The following KIF20B variants were observed in gnomAD, a reference collection of about 807,000 sequenced individuals.
KIF20B encodes kinesin-like protein KIF20B.
KIF20B carries 188 observed loss-of-function variants against 232.5 expected under a neutral mutation model. That is an observed-to-expected ratio of 0.81 (90% CI 0.72 to 0.91). KIF20B has a LOEUF of 0.91. Ranked by LOEUF, KIF20B falls within the 40% of genes least tolerant of loss-of-function variation. The pLI is 0.00. For synonymous variants in KIF20B, 712 were observed against 683.0 expected (o/e 1.04, Z -0.66); for missense variants, 2,154 against 2,055.9 (o/e 1.05, Z -0.92).
chr10:89,747,084 C>T (rs941465367), intron 23 of KIF20B, among the ~76,000 whole-genome samples: 17 of 152,076 alleles, frequency 1.1e-4, no homozygotes, highest in Admixed American at 4.6e-4. Context: ...GTATTCTGAA[C>T]GGACACTTCT....
chr10:89,712,551 G>T (rs560627975), intron 6 of KIF20B, among the ~76,000 whole-genome samples: 5 of 152,144 alleles, frequency 3.3e-5, no homozygotes, highest in African/African-American at 1.2e-4. Flanking sequence ...TGCCAAGCCT[G>T]GCCCATTGTG....
At chr10:89,757,065 T>TATATATATATATATACAC (rs1234268831) in intron 26 of KIF20B, among the ~76,000 whole-genome samples, 6 of 135,198 alleles carry the variant, frequency 4.4e-5, no homozygotes, top group Admixed American at 4.1e-4. Flanking sequence ...TATATATATA[T>TATATATATATATATACAC]ATATACACAC....
chr10:89,752,610 A>G lies in KIF20B; in HGVS notation c.4266A>G (p.Lys1422=). The G allele has an allele frequency of 6.2e-7, 1 of 1,606,292 alleles. No homozygotes were observed. Among genetic ancestry groups the G allele is most frequent in the Non-Finnish European group, 8.5e-7 (1 of 1,176,470 alleles). The change falls in exon 25 of 33, where the codon AAA becomes AAG. Residue 1422 remains lysine, a synonymous_variant. Coordinates refer to ENST00000371728, the MANE Select transcript of KIF20B (RefSeq NM_001284259.2). Reference sequence around the variant, plus strand: ...AAAAATGCAATGATTTGGAAACCAAAAACAATCAAAGGTCAAATAAAGAAC... The same window carrying G: ...AAAAATGCAATGATTTGGAAACCAAGAACAATCAAAGGTCAAATAAAGAAC... ...WKEKCNDLET[K]NNQRSNKEHE...
chr10:89,720,632 G>A (rs969473754), intron 13 of KIF20B, among the ~76,000 whole-genome samples: 4 of 152,092 alleles, frequency 2.6e-5, no homozygotes, highest in African/African-American at 7.2e-5. Context: ...ATTGTTTGTC[G>A]TCTTGTTATT....
At position 89,754,499 on chromosome 10, in the gene KIF20B, A is replaced by G; in HGVS notation, c.4348-19A>G. On this transcript the variant is annotated intron_variant, in intron 25 of 32. Transcript: ENST00000371728. Reference sequence around the variant, plus strand: ...CTTTGTAGGCATGCGATAATAACTTATACCATTTATATATACAGGAGTCTG... The same window carrying G: ...CTTTGTAGGCATGCGATAATAACTTGTACCATTTATATATACAGGAGTCTG... 1.3e-6 allele frequency: 2 copies of G among 1,503,354 alleles called. No homozygotes were observed. Among genetic ancestry groups the G allele is most frequent in the Non-Finnish European group, 8.9e-7 (1 of 1,119,890 alleles). The allele number at this position is 1,503,354 out of a possible 1,614,324, so 93.1% of individuals were successfully genotyped here.
intron 13 of KIF20B, chr10:89,723,458 T>C (rs970283664): frequency 6.6e-6 from 1 of 152,266 alleles, no homozygotes; most frequent in Non-Finnish European, 1.5e-5. Context: ...TTATGTAACA[T>C]CTTTATTTGA....
chr10:89,702,830 A>G (rs1316163423), intron 1 of KIF20B, among the ~76,000 whole-genome samples: 1 of 151,302 alleles, frequency 6.6e-6, no homozygotes, highest in African/African-American at 2.4e-5. Flanking sequence ...TTATCCCTGC[A>G]TAAGTCGCTG....
At chr10:89,719,830 A>G (rs2133099332) in intron 13 of KIF20B, 124 bp downstream of exon 13, 1 of 715,248 alleles carries the variant, frequency 1.4e-6, no homozygotes. Context: ...TCAACTTTAT[A>G]TTTTGAAAAA....
At chr10:89,726,837 C>T (rs1204354331) in intron 16 of KIF20B, among the ~76,000 whole-genome samples, 5 of 142,316 alleles carry the variant, frequency 3.5e-5, no homozygotes, top group South Asian at 2.4e-4. Flanking sequence ...GACAGCGTCT[C>T]GCTCTGTCAC....
Position 89,705,322 on chromosome 10 carries a change from G to C in KIF20B, c.28G>C (p.Val10Leu). 1 of 1,613,834 alleles carries C rather than the reference G, an allele frequency of 6.2e-7. No individual in the cohort carries two copies. Among genetic ancestry groups the C allele is most frequent in the East Asian group, 2.2e-5 (1 of 44,848 alleles). Residue 10 changes from valine to leucine, a missense_variant, in exon 2 of 33, where the codon GTA becomes CTA. By Grantham distance (32) the Val-to-Leu change is conservative. Coordinates refer to ENST00000371728, the MANE Select transcript of KIF20B (RefSeq NM_001284259.2). ...GGAATCTAATTTTAATCAAGAGGGA[G>C]TACCTCGACCATCTTATGTTTTTAG... Reference protein sequence around the residue: MESNFNQEGVPRPSYVFSAD... With the variant: MESNFNQEGLPRPSYVFSAD...
intron 31 of KIF20B, among the ~76,000 whole-genome samples, chr10:89,771,509 T>C (rs1228679809): frequency 6.6e-6 from 1 of 152,074 alleles, no homozygotes; most frequent in East Asian, 1.9e-4. Context: ...CAATGCATTA[T>C]AATCTCTTAA....
chr10:89,765,953 C>G (rs576836754), intron 29 of KIF20B, among the ~76,000 whole-genome samples: 1 of 152,152 alleles, frequency 6.6e-6, no homozygotes, highest in South Asian at 2.1e-4. Context: ...TTCATTTTGA[C>G]TTTGCTGAAT....
intron 28 of KIF20B, 144 bp from the exon 29 acceptor site, chr10:89,762,494 A>ATCTT (rs1842263243): frequency 1.6e-5 from 10 of 617,884 alleles, no homozygotes; most frequent in Non-Finnish European, 2.8e-5. Context: ...TGATTGCTCA[A>ATCTT]TCTTTCTGTT....
chr10:89,758,522 G>A (rs1345935854), intron 26 of KIF20B, among the ~76,000 whole-genome samples, 184 bp from the exon 27 acceptor site: 3 of 151,832 alleles, frequency 2.0e-5, no homozygotes, highest in Non-Finnish European at 4.4e-5. Context: ...AAAATAACAT[G>A]GACATTTAAT....
Position 89,717,485 on chromosome 10 carries a change from C to A in KIF20B, c.1114C>A (p.Arg372=). The A allele has an allele frequency of 6.3e-7, 1 of 1,596,110 alleles. No homozygotes were observed. The highest frequency in any genetic ancestry group is 1.1e-5 in the South Asian group (1 of 89,674). The change falls in exon 10 of 33, where the codon CGA becomes AGA. Residue 372 remains arginine, a synonymous_variant. Coordinates refer to ENST00000371728, the MANE Select transcript of KIF20B (RefSeq NM_001284259.2). ...IEDSEMSRVI[R]VSELSLCDLA... is the part of the protein sequence containing the mutation. ...AGATTCTGAAATGTCTCGTGTAATT[C>A]GAGTCAGTGAGTAAGTTGAATATTC...
chr10:89,734,598 C>T (rs1841604639), intron 19 of KIF20B, among the ~76,000 whole-genome samples: 1 of 152,136 alleles, frequency 6.6e-6, no homozygotes, highest in Non-Finnish European at 1.5e-5. Context: ...TATAGAAACT[C>T]ATTTGTATAT....
In KIF20B at chr10:89,737,960, A is replaced by C. The variant is rs1429664350; in HGVS notation, c.3119A>C (p.Lys1040Thr). The change falls in exon 20 of 33, where the codon AAA becomes ACA. Residue 1040 changes from lysine (K) to threonine (T), a missense_variant. Coordinates refer to ENST00000371728, the MANE Select transcript of KIF20B (RefSeq NM_001284259.2). Reference protein sequence around the residue: ...GNDYLVSKQVKEYRIQEPNRE... With the variant: ...GNDYLVSKQVTEYRIQEPNRE... ...GATTATTTGGTAAGTAAGCAAGTTA[A>C]AGAATATCGAATTCAAGAACCCAAT... 6.2e-7 allele frequency: 1 copy of C among 1,613,124 alleles called. No homozygotes were observed. The highest frequency in any genetic ancestry group is 1.1e-5 in the South Asian group (1 of 90,938).
chr10:89,711,029 CTG>C lies in KIF20B; in HGVS notation c.561_562del (p.Thr189LysfsTer5), dbSNP rs1173324480. 1 of 1,609,664 alleles carries C rather than the reference CTG, an allele frequency of 6.2e-7. No homozygotes were observed. The highest frequency in any genetic ancestry group is 1.1e-5 in the South Asian group (1 of 90,426). On this transcript the variant is annotated frameshift_variant, in exon 6 of 33. Transcript: ENST00000371728. LOFTEE classifies it high-confidence loss of function. ...NVLFDSLQERLYTKMNLKPHR... is the reference protein window; with the variant it reads ...NVLFDSLQERXYTKMNLKPHR... Reference sequence around the variant, plus strand: ...ATTATTTGATAGTCTTCAAGAAAGACTGTATACAAAGATGAACCTTAAACCAC... The same window carrying C: ...ATTATTTGATAGTCTTCAAGAAAGACTATACAAAGATGAACCTTAAACCAC...
At chr10:89,717,329 T>C (rs1202497585) in intron 9 of KIF20B, 95 bp from the exon 10 acceptor site, 6 of 732,322 alleles carry the variant, frequency 8.2e-6, no homozygotes, top group Non-Finnish European at 1.4e-5. Flanking sequence ...GTAGTTATAC[T>C]AGGGTATAAA....
Sources: allele counts gnomAD v4.1 joint callset (sites outside exome capture counted in the v4.1 genomes callset), GRCh38; gene constraint gnomAD v4.1.1; transcripts MANE v1.5; gene names NCBI Gene and HGNC (gene_info 2026-07-23, HGNC 2026-07-21).